The following MACF1 variants were observed in gnomAD, a reference collection of about 807,000 sequenced individuals.
MACF1 encodes microtubule-actin cross-linking factor 1.
Under a neutral mutation model 854.8 loss-of-function variants are expected in MACF1, and 193 were observed. That is an observed-to-expected ratio of 0.23 (90% CI 0.20 to 0.25). MACF1 has a LOEUF of 0.25. Ranked by LOEUF, MACF1 falls within the 10% of genes least tolerant of loss-of-function variation. The pLI is 1.00. For missense variants in MACF1, 7,722 were observed against 8,929.1 expected (o/e 0.86, Z 5.45); for synonymous variants, 3,185 against 3,226.7 (o/e 0.99, Z 0.44).
At chr1:39,411,531 T>C in intron 58 of MACF1, 1 of 1,613,698 alleles carries the variant, frequency 6.2e-7, no homozygotes, top group South Asian at 1.1e-5. Context: ...ATTGTGTTCT[T>C]ACAGGTGAGG....
rs754587862 is a variant in MACF1, at chr1:39,315,536, A to G, written c.3294A>G (p.Gln1098=). ...EQEHTQEDLQ[Q]LRSDLDAVSM... Reference sequence around the variant, plus strand: ...AGCACACCCAGGAGGATTTACAGCAATTGAGGTCAGACTTGGATGCAGTTT... The same window carrying G: ...AGCACACCCAGGAGGATTTACAGCAGTTGAGGTCAGACTTGGATGCAGTTT... The change falls in exon 27 of 101, where the codon CAA becomes CAG. Residue 1098 remains glutamine, a synonymous_variant. Coordinates refer to ENST00000564288, the MANE Select transcript of MACF1 (RefSeq NM_001394062.1). The G allele has an allele frequency of 2.5e-6, 4 of 1,613,956 alleles. No individual in the cohort carries two copies. The African/African-American group carries it at 4.0e-5, about 16-fold the overall frequency.
chr1:39,258,552 A>G (rs1645121855), intron 6 of MACF1, among the ~76,000 whole-genome samples: 1 of 152,248 alleles, frequency 6.6e-6, no homozygotes, highest in South Asian at 2.1e-4. Context: ...CATCTTGAAG[A>G]ATATTCACAT....
At chr1:39,351,383 T>C (rs1446326748) in intron 43 of MACF1, among the ~76,000 whole-genome samples, 3 of 152,094 alleles carry the variant, frequency 2.0e-5, no homozygotes, top group African/African-American at 7.2e-5. Context: ...TCTGTGTTTT[T>C]ACAAGAATCT....
intron 5 of MACF1, among the ~76,000 whole-genome samples, chr1:39,257,262 G>C (rs1645107548): frequency 6.6e-6 from 1 of 152,186 alleles, no homozygotes; most frequent in Admixed American, 6.5e-5. Context: ...GCAACAGCTT[G>C]GATAGGGATC....
rs770936125 is a variant in MACF1, at chr1:39,283,506, C to T, written c.906C>T (p.Ile302=). 3 of 1,598,716 alleles carry T rather than the reference C, an allele frequency of 1.9e-6. No homozygotes were observed. The highest frequency in any genetic ancestry group is 2.6e-6 in the Non-Finnish European group (3 of 1,166,032). ...AAGTTCCTGAGGGTGGAGAAGGGAT[C>T]AGTGCTACGGTAAAAGAACATTTTC... ...FPKVPEGGEG[I]SATEVDSRWQ... is the part of the protein sequence containing the mutation. Residue 302 remains isoleucine, a synonymous_variant, in exon 9 of 101, where the codon ATC becomes ATT. Transcript: ENST00000564288. The surrounding 1 kb of genome is among the most constrained non-coding windows in gnomAD (Gnocchi z 4.5).
chr1:39,184,103 T>G (rs1169870690), intron 2 of MACF1, among the ~76,000 whole-genome samples: 1 of 152,186 alleles, frequency 6.6e-6, no homozygotes, highest in Admixed American at 6.5e-5. Context: ...CATCACCTGT[T>G]TTTTAGTTCC....
intron 31 of MACF1, among the ~76,000 whole-genome samples, chr1:39,320,296 C>A (rs1646490036): frequency 6.6e-6 from 1 of 152,172 alleles, no homozygotes; most frequent in Admixed American, 6.5e-5. Context: ...TGCTCTGGCC[C>A]CCACAGGCTA....
At chr1:39,085,271 C>A (rs1641643317) in intron 2 of MACF1, among the ~76,000 whole-genome samples, 1 of 152,216 alleles carries the variant, frequency 6.6e-6, no homozygotes, top group Non-Finnish European at 1.5e-5. Flanking sequence ...GCCCTTAGCA[C>A]AGTTTTTGGC....
chr1:39,447,643 G>GC (rs1351968000), intron 81 of MACF1, 49 bp from the exon 82 acceptor site: 1 of 1,613,074 alleles, frequency 6.2e-7, no homozygotes, highest in Non-Finnish European at 8.5e-7. Flanking sequence ...TGAAAGAAAT[G>GC]CCCCTTTATC....
At chr1:39,165,885 A>G (rs1340251360) in intron 2 of MACF1, among the ~76,000 whole-genome samples, 1 of 152,168 alleles carries the variant, frequency 6.6e-6, no homozygotes, top group African/African-American at 2.4e-5. Flanking sequence ...ACAATCTGTT[A>G]TCAACTTAAT....
chr1:39,310,369 A>G lies in MACF1; in HGVS notation c.3041A>G (p.Glu1014Gly), dbSNP rs1461174386. 1 of 1,614,112 alleles carries G rather than the reference A, an allele frequency of 6.2e-7. No individual in the cohort carries two copies. The highest frequency in any genetic ancestry group is 8.5e-7 in the Non-Finnish European group (1 of 1,180,010). Reference sequence around the variant, plus strand: ...TCAGTGGCTGATCGCTTGCGCTTGGAAGAGGAGGTGGAAGCTTGTAAAGCC... The same window carrying G: ...TCAGTGGCTGATCGCTTGCGCTTGGGAGAGGAGGTGGAAGCTTGTAAAGCC... ...LFSVADRLRLEEEVEACKARF... is the reference protein window; with the variant it reads ...LFSVADRLRLGEEVEACKARF... Residue 1014 changes from glutamate (E) to glycine (G), a missense_variant, in exon 25 of 101, where the codon GAA (glutamate) becomes GGA (glycine). Physicochemically the swap from Glu to Gly is moderately conservative, Grantham distance 98. Coordinates refer to ENST00000564288, the MANE Select transcript of MACF1 (RefSeq NM_001394062.1).
chr1:39,282,939 G>A (rs1230670552), intron 7 of MACF1, among the ~76,000 whole-genome samples: 1 of 152,188 alleles, frequency 6.6e-6, no homozygotes, highest in Non-Finnish European at 1.5e-5. Context: ...CCAATTTTCA[G>A]TTCTAACCGA....
At chr1:39,114,971 T>C (rs894161676) in intron 2 of MACF1, among the ~76,000 whole-genome samples, 8 of 151,892 alleles carry the variant, frequency 5.3e-5, no homozygotes, top group Non-Finnish European at 5.9e-5. Context: ...ATGAGCAAGC[T>C]TGAGAGGGGG....
intron 49 of MACF1, among the ~76,000 whole-genome samples, chr1:39,363,640 C>T (rs1211387290): frequency 1.4e-5 from 2 of 144,690 alleles, no homozygotes; most frequent in African/African-American, 2.6e-5. Flanking sequence ...TCTTACTCTG[C>T]GCTCTGTTGC....
intron 2 of MACF1, among the ~76,000 whole-genome samples, chr1:39,175,056 G>A (rs545540352): frequency 6.6e-6 from 1 of 152,128 alleles, no homozygotes; most frequent in South Asian, 2.1e-4. Flanking sequence ...AGATTTTTGT[G>A]TCTTTCTTGC....
At chr1:39,287,882 C>T (rs1021652081) in intron 15 of MACF1, among the ~76,000 whole-genome samples, 6 of 152,136 alleles carry the variant, frequency 3.9e-5, no homozygotes, top group African/African-American at 1.4e-4. Context: ...GAGGTTGGCA[C>T]AAATTCTCAC....
intron 58 of MACF1, among the ~76,000 whole-genome samples, chr1:39,391,570 C>T (rs1472108474): frequency 2.0e-5 from 3 of 152,200 alleles, no homozygotes; most frequent in Non-Finnish European, 4.4e-5. Flanking sequence ...ATGAGATAAA[C>T]AGGCCTGTTA....
intron 95 of MACF1, among the ~76,000 whole-genome samples, chr1:39,466,101 G>A (rs1644662343): frequency 1.3e-5 from 2 of 152,158 alleles, no homozygotes; most frequent in South Asian, 4.1e-4. Context: ...TTATACACAG[G>A]CAACTGAGGC....
chr1:39,336,349 C>A lies in MACF1; in HGVS notation c.9761C>A (p.Ser3254Tyr). The A allele has an allele frequency of 6.2e-7, 1 of 1,614,142 alleles. No individual in the cohort carries two copies. ...AATGTTGCAGGTCTAGAAGCAGGATCCATTGAGGACATAGTGACTCAGAGA... is the reference window on the plus strand; with the variant it reads ...AATGTTGCAGGTCTAGAAGCAGGATACATTGAGGACATAGTGACTCAGAGA... ...NPNVAGLEAGSIEDIVTQRGS... is the reference protein window; with the variant it reads ...NPNVAGLEAGYIEDIVTQRGS... The change falls in exon 37 of 101, where the codon TCC (serine) becomes TAC (tyrosine). Residue 3254 changes from serine (S) to tyrosine (Y), a missense_variant. By Grantham distance (144) the Ser-to-Tyr change is moderately radical. Around this residue, in one of 15 missense-constraint regions of MACF1, gnomAD observed 854 missense variants for 852.6 expected, o/e 1.00. Coordinates refer to ENST00000564288, the MANE Select transcript of MACF1 (RefSeq NM_001394062.1).
Sources: allele counts gnomAD v4.1 joint callset (sites outside exome capture counted in the v4.1 genomes callset), GRCh38; gene constraint gnomAD v4.1.1; regional missense constraint gnomAD v4.1.1; non-coding constraint Gnocchi (gnomAD v3.1); transcripts MANE v1.5; gene names NCBI Gene and HGNC (gene_info 2026-07-23, HGNC 2026-07-21).